The following BCL2A1 variants were observed in gnomAD, a reference collection of about 807,000 sequenced individuals.
BCL2A1 encodes BCL2 related protein A1.
BCL2A1 carries 10 observed loss-of-function variants against 14.4 expected under a neutral mutation model. The observed-to-expected ratio is 0.69, with a 90% CI of 0.43 to 1.18. The LOEUF (loss-of-function observed/expected upper bound fraction) is 1.18, where lower values mean the gene tolerates loss of function less well. Among genes scored for constraint, BCL2A1 ranks in the 50% most tolerant of loss-of-function variants. The probability of loss-of-function intolerance (pLI) is 0.00; values close to 1 mark genes in which losing one functional copy is unlikely to be tolerated. For missense variants in BCL2A1, 158 were observed against 205.0 expected (o/e 0.77, Z 1.40); for synonymous variants, 71 against 76.5 (o/e 0.93, Z 0.38).
At chr15:79,961,595 T>C (rs1464964002) in intron 1 of BCL2A1, among the ~76,000 whole-genome samples, 1 of 152,174 alleles carries the variant, frequency 6.6e-6, no homozygotes, top group Non-Finnish European at 1.5e-5. Flanking sequence ...AAGCCTTTTT[T>C]TTTCTCGTTC....
At position 79,971,060 on chromosome 15, in the gene BCL2A1, G is replaced by C. The variant is rs147300718; in HGVS notation, c.60C>G (p.Val20=). 3.1e-6 allele frequency: 5 copies of C among 1,614,036 alleles called. No homozygotes were observed. The highest frequency in any genetic ancestry group is 1.6e-4 in the Middle Eastern group (1 of 6,084). ...YRLAQDYLQC[V]LQIPQPGSGP... ...CTGATCCAGGTTGTGGTATCTGTAG[G>C]ACGCACTGCAGATAGTCCTGAGCCA... is the stretch of plus-strand genomic sequence containing the variant. Residue 20 remains valine, a synonymous_variant, in exon 1 of 2, where the codon GTC becomes GTG. Transcript: ENST00000267953.
rs200510103 is a variant in BCL2A1 at position 79,970,696 on chromosome 15, A to G, written c.420+4T>C. On this transcript the variant is annotated splice_donor_region_variant and intron_variant, in intron 1 of 1. Transcript: ENST00000267953. The stretch of plus-strand genomic sequence containing the variant: ...ACAATGAAGAATTTTTCCATCACAC[A>G]TACCCAGCCTCCGTTTTGCCTTATC... The G allele has an allele frequency of 4.7e-4, 752 of 1,592,280 alleles. 2 individuals are homozygous for G. The highest frequency in any genetic ancestry group is 1.4e-3 in the Admixed American group (84 of 57,944).
At chr15:79,964,892 G>A (rs1339204482) in intron 1 of BCL2A1, among the ~76,000 whole-genome samples, 1 of 152,176 alleles carries the variant, frequency 6.6e-6, no homozygotes, top group African/African-American at 2.4e-5. Flanking sequence ...AATTATTCCA[G>A]GCAGAGGGAG....
At chr15:79,963,035 G>A (rs1299715241) in intron 1 of BCL2A1, among the ~76,000 whole-genome samples, 6 of 152,080 alleles carry the variant, frequency 3.9e-5, no homozygotes, top group Non-Finnish European at 7.4e-5. Context: ...AGGCTGGAGT[G>A]CAATGGCGCG....
chr15:79,966,050 T>A (rs1184748387), intron 1 of BCL2A1, among the ~76,000 whole-genome samples: 5 of 152,012 alleles, frequency 3.3e-5, no homozygotes, highest in African/African-American at 1.2e-4. Context: ...CAACTCTGAC[T>A]GTACATCCTA....
chr15:79,970,779 G>T lies in BCL2A1; in HGVS notation c.341C>A (p.Thr114Asn). ...LRQQIAPDVD[T>N]YKEISYFVAE... is the part of the protein sequence containing the mutation. ...AACAAAATATGAAATCTCCTTATAG[G>T]TATCCACATCCGGGGCAATTTGCTG... Residue 114 changes from threonine to asparagine, a missense_variant, in exon 1 of 2, where the codon ACC (threonine) becomes AAC (asparagine). Thr to Asn is a moderately conservative substitution (Grantham distance 65). Transcript: ENST00000267953. 1 of 1,614,088 alleles carries T rather than the reference G, an allele frequency of 6.2e-7. No homozygotes were observed. The highest frequency in any genetic ancestry group is 1.1e-5 in the South Asian group (1 of 91,078).
chr15:79,965,518 C>G (rs997334582), intron 1 of BCL2A1, among the ~76,000 whole-genome samples: 9 of 152,094 alleles, frequency 5.9e-5, no homozygotes, highest in African/African-American at 2.2e-4. Flanking sequence ...CAGGAGGCTA[C>G]TGACAGAGTC....
Position 79,970,689 on chromosome 15 carries a change from A to G in BCL2A1, c.420+11T>C. 1.3e-6 allele frequency: 2 copies of G among 1,571,282 alleles called. No individual in the cohort carries two copies. The highest frequency in any genetic ancestry group is 1.7e-6 in the Non-Finnish European group (2 of 1,157,026). On this transcript the variant is annotated intron_variant, in intron 1 of 1. Coordinates refer to ENST00000267953, the MANE Select transcript of BCL2A1 (RefSeq NM_004049.4). ...GGAAAGAACAATGAAGAATTTTTCC[A>G]TCACACATACCCAGCCTCCGTTTTG... is the stretch of plus-strand genomic sequence containing the variant.
Position 79,970,767 on chromosome 15 carries a change from A to G in BCL2A1, c.353T>C (p.Ile118Thr). The change falls in exon 1 of 2, where the codon ATT (isoleucine) becomes ACT (threonine). Residue 118 changes from isoleucine (I) to threonine (T), a missense_variant. Physicochemically the swap from Ile to Thr is moderately conservative, Grantham distance 89 (BLOSUM62 -1). Coordinates refer to ENST00000267953, the MANE Select transcript of BCL2A1 (RefSeq NM_004049.4). ...IAPDVDTYKE[I>T]SYFVAEFIMN... is the part of the protein sequence containing the mutation. ...TATGAACTCCGCAACAAAATATGAA[A>G]TCTCCTTATAGGTATCCACATCCGG... 1 of 1,614,182 alleles carries G rather than the reference A, an allele frequency of 6.2e-7. No homozygotes were observed. Among genetic ancestry groups the G allele is most frequent in the Non-Finnish European group, 8.5e-7 (1 of 1,180,018 alleles).
intron 1 of BCL2A1, chr15:79,967,654 T>A (rs963835261): frequency 3.4e-5 from 55 of 1,595,360 alleles, no homozygotes; most frequent in Non-Finnish European, 4.4e-5. Context: ...TGTGGGCCAC[T>A]GACTCTACCA....
chr15:79,970,524 A>C (rs1021762958), intron 1 of BCL2A1, among the ~76,000 whole-genome samples, 176 bp downstream of exon 1: 1 of 152,274 alleles, frequency 6.6e-6, no homozygotes, highest in Non-Finnish European at 1.5e-5. Context: ...GTTCAAGTTC[A>C]AGGATTCATT....
chr15:79,968,245 G>T (rs73476697), intron 1 of BCL2A1, among the ~76,000 whole-genome samples: 5,418 of 152,268 alleles, frequency 0.036, 325 homozygotes, highest in African/African-American at 0.12. Flanking sequence ...AATAGAGCCT[G>T]CAAACTAGTA....
intron 1 of BCL2A1, among the ~76,000 whole-genome samples, chr15:79,961,489 A>T (rs919323210): frequency 6.6e-6 from 1 of 152,190 alleles, no homozygotes; most frequent in Non-Finnish European, 1.5e-5. Flanking sequence ...AACCTTCGAA[A>T]TCCAATGAGT....
In BCL2A1 at chr15:79,960,980, T is replaced by C. The variant is rs147820925; in HGVS notation, c.*87A>G. On this transcript the variant is annotated 3_prime_UTR_variant, in exon 2 of 2. Coordinates refer to ENST00000267953, the MANE Select transcript of BCL2A1 (RefSeq NM_004049.4). ...CAAGTTACATCATCAAAGTTGTTTA[T>C]TTAAAAGTAGAAGTATGTGTTGGCA... is the stretch of plus-strand genomic sequence containing the variant. 1.1e-4 allele frequency: 169 copies of C among 1,579,292 alleles called. No homozygotes were observed. The highest frequency in any genetic ancestry group is 3.3e-4 in the Admixed American group (19 of 56,998).
chr15:79,970,250 A>G (rs1183750822), intron 1 of BCL2A1, among the ~76,000 whole-genome samples: 1 of 152,182 alleles, frequency 6.6e-6, no homozygotes, highest in Non-Finnish European at 1.5e-5. Context: ...TGAACTTACA[A>G]AAATTTACAC....
intron 1 of BCL2A1, 118 bp downstream of exon 1, chr15:79,970,582 C>A: frequency 1.5e-5 from 16 of 1,055,138 alleles, no homozygotes; most frequent in South Asian, 9.3e-5. Context: ...TAAAACAAAC[C>A]ACCCAAGGAA....
intron 1 of BCL2A1, among the ~76,000 whole-genome samples, chr15:79,965,088 G>A (rs1457206704): frequency 6.6e-6 from 1 of 152,072 alleles, no homozygotes; most frequent in African/African-American, 2.4e-5. Flanking sequence ...CAGCTTGGAG[G>A]GTTATGATTA....
chr15:79,961,952 T>C (rs1333181082), intron 1 of BCL2A1, among the ~76,000 whole-genome samples: 1 of 152,178 alleles, frequency 6.6e-6, no homozygotes, highest in African/African-American at 2.4e-5. Context: ...GAAAAATAAG[T>C]TATCTAAGAT....
intron 1 of BCL2A1, among the ~76,000 whole-genome samples, chr15:79,964,105 A>T (rs2035515561): frequency 6.6e-6 from 1 of 152,204 alleles, no homozygotes; most frequent in Non-Finnish European, 1.5e-5. Context: ...TTGTATCTTA[A>T]AACCATTATA....
Sources: gnomAD v4.1 joint callset for allele counts (sites outside exome capture counted in the v4.1 genomes callset) on GRCh38, gnomAD v4.1.1 for gene constraint, MANE v1.5 for transcripts, NCBI Gene and HGNC (gene_info 2026-07-23, HGNC 2026-07-21) for gene names.